Variants in NAALADL1 observed in about 807,000 individuals in gnomAD.
The protein encoded by NAALADL1 is N-acetylated alpha-linked acidic dipeptidase like 1, also known as aminopeptidase NAALADL1.
NAALADL1 carries 77 observed loss-of-function variants against 82.8 expected under a neutral mutation model. That is an observed-to-expected ratio of 0.93 (90% CI 0.77 to 1.12). The LOEUF is 1.12. NAALADL1 is among the 50% of genes most tolerant of loss of function. The pLI, the probability that NAALADL1 is intolerant of heterozygous loss-of-function variation, is 0.00. For synonymous variants in NAALADL1, 358 were observed against 399.2 expected (o/e 0.90, Z 1.23); for missense variants, 956 against 964.0 (o/e 0.99, Z 0.11).
At position 65,045,063 on chromosome 11, in the gene NAALADL1, G is replaced by A; in HGVS notation, c.*208C>T. 1.5e-6 allele frequency: 1 copy of A among 646,846 alleles called. No individual in the cohort carries two copies. The highest frequency in any genetic ancestry group is 2.6e-6 in the Non-Finnish European group (1 of 384,090). The allele number at this position is 646,846 out of a possible 1,614,324, so 40.1% of individuals were successfully genotyped here. A position where few individuals can be genotyped will look rare whatever the true frequency, so the allele number is the denominator to read the frequency against. The stretch of plus-strand genomic sequence containing the variant: ...TGCCATCCCATCCCTGTCCCCTGCT[G>A]CCCACCCTCTGCCACCTAAGCACCA... On this transcript the variant is annotated 3_prime_UTR_variant, in exon 18 of 18. Coordinates refer to ENST00000358658, the MANE Select transcript of NAALADL1 (RefSeq NM_005468.3).
chr11:65,058,583 T>G (rs1590776615), upstream of NAALADL1: 1 of 1,432,028 alleles, frequency 7.0e-7, no homozygotes, highest in South Asian at 1.5e-5. Context: ...ATAGAGGGGG[T>G]GTTGTGCCTG....
At position 65,054,628 on chromosome 11, in the gene NAALADL1, G is replaced by A. The variant is rs1412381488; in HGVS notation, c.714C>T (p.Tyr238=). 1 of 1,614,068 alleles carries A rather than the reference G, an allele frequency of 6.2e-7. No individual in the cohort carries two copies. Among genetic ancestry groups the A allele is most frequent in the East Asian group, 2.2e-5 (1 of 44,870 alleles). The change falls in exon 5 of 18, where the codon TAC becomes TAT. Residue 238 remains tyrosine, a synonymous_variant. Transcript: ENST00000358658. This position sits in a 1 kb window ranked among gnomAD's most constrained non-coding sequence, Gnocchi z 4.3. ...CTCGCTCCACTCCTGAGGGGGGCAGGTACCAGGAGTTGGGAAAGGTTTCGT... is the reference window on the plus strand; with the variant it reads ...CTCGCTCCACTCCTGAGGGGGGCAGATACCAGGAGTTGGGAAAGGTTTCGT... The part of the protein sequence containing the change: ...SPDETFPNSW[Y]LPPSGVERGS...
chr11:65,045,549 A>G, intron 17 of NAALADL1, 92 bp from the exon 18 acceptor site: 1 of 1,352,704 alleles, frequency 7.4e-7, no homozygotes, highest in Non-Finnish European at 9.9e-7. Context: ...TCCTGTACGC[A>G]GCGAGGCAGA....
In NAALADL1 at chr11:65,045,240, T is replaced by G. The variant is rs1273351276; in HGVS notation, c.*31A>C. The G allele has an allele frequency of 4.3e-5, 68 of 1,593,422 alleles. No homozygotes were observed. Among genetic ancestry groups the G allele is most frequent in the Non-Finnish European group, 5.4e-5 (63 of 1,169,092 alleles). Reference sequence around the variant, plus strand: ...GAAAGCAGGCAGGAGAGGGTTGGAGTAAAGGGAGGGCTGAAGAAAGAGGGC... The same window carrying G: ...GAAAGCAGGCAGGAGAGGGTTGGAGGAAAGGGAGGGCTGAAGAAAGAGGGC... On this transcript the variant is annotated 3_prime_UTR_variant, in exon 18 of 18. Coordinates refer to ENST00000358658, the MANE Select transcript of NAALADL1 (RefSeq NM_005468.3).
Position 65,046,245 on chromosome 11 carries a change from A to C in NAALADL1, c.1799T>G (p.Leu600Arg). The C allele has an allele frequency of 6.2e-7, 1 of 1,614,156 alleles. No individual in the cohort carries two copies. The highest frequency in any genetic ancestry group is 8.5e-7 in the Non-Finnish European group (1 of 1,180,040). The change falls in exon 15 of 18, where the codon CTG becomes CGG. Residue 600 changes from leucine to arginine, a missense_variant. Leu to Arg is a moderately radical substitution (Grantham distance 102, BLOSUM62 -2). Coordinates refer to ENST00000358658, the MANE Select transcript of NAALADL1 (RefSeq NM_005468.3). The stretch of plus-strand genomic sequence containing the variant: ...CCCAAGATCTTGCTGGGCTGCCTGC[A>C]GGAAGCTGCGGAGTGTCTCACTGTA... ...SDYSETLRSFLQAAQQDLGAL... is the reference protein window; with the variant it reads ...SDYSETLRSFRQAAQQDLGAL...
rs2137021319 is a variant in NAALADL1, at chr11:65,054,669, C to T, written c.673G>A (p.Gly225Arg). Reference protein sequence around the residue: ...VYTDPADINDGLSSPDETFPN... With the variant: ...VYTDPADINDRLSSPDETFPN... ...AAGGTTTCGTCGGGTGAGCTCAGCCCATCGTTGATGTCGGCAGGGTCTGTG... is the reference window on the plus strand; with the variant it reads ...AAGGTTTCGTCGGGTGAGCTCAGCCTATCGTTGATGTCGGCAGGGTCTGTG... Residue 225 changes from glycine (G) to arginine (R), a missense_variant, in exon 5 of 18, where the codon GGG (glycine) becomes AGG (arginine). Gly to Arg is a moderately radical substitution (Grantham distance 125). Transcript: ENST00000358658. This position sits in a 1 kb window ranked among gnomAD's most constrained non-coding sequence, Gnocchi z 4.3. 1 of 1,614,148 alleles carries T rather than the reference C, an allele frequency of 6.2e-7. No individual in the cohort carries two copies. Among genetic ancestry groups the T allele is most frequent in the East Asian group, 2.2e-5 (1 of 44,878 alleles).
rs1946960961 is a variant in NAALADL1 at position 65,053,874 on chromosome 11, G to A, written c.993-298C>T. Among the ~76,000 whole-genome samples the A allele has an allele frequency of 6.6e-6, 1 of 152,180 alleles. No individual in the cohort carries two copies. The highest frequency in any genetic ancestry group is 6.5e-5 in the Admixed American group (1 of 15,274). ...ACAGACCAGGAGGACAGGAACAGCTGGGTGAAGGGGCCTGGGAGGAGAGGG... is the reference window on the plus strand; with the variant it reads ...ACAGACCAGGAGGACAGGAACAGCTAGGTGAAGGGGCCTGGGAGGAGAGGG... On this transcript the variant is annotated intron_variant, in intron 6 of 17. Coordinates refer to ENST00000358658, the MANE Select transcript of NAALADL1 (RefSeq NM_005468.3). The surrounding 1 kb of genome is among the most constrained non-coding windows in gnomAD (Gnocchi z 4.3).
In NAALADL1 at chr11:65,058,050, G is replaced by T. The variant is rs201881121; in HGVS notation, c.358+28C>A. On this transcript the variant is annotated intron_variant, in intron 2 of 17. Coordinates refer to ENST00000358658, the MANE Select transcript of NAALADL1 (RefSeq NM_005468.3). Reference sequence around the variant, plus strand: ...GGGCCCAGCAGCTCCCCACCCCCGGGCATTCCCAAGACTGGGCAGGACCTC... The same window carrying T: ...GGGCCCAGCAGCTCCCCACCCCCGGTCATTCCCAAGACTGGGCAGGACCTC... The T allele has an allele frequency of 1.3e-5, 21 of 1,612,434 alleles. No individual in the cohort carries two copies. The African/African-American group carries it at 2.5e-4, about 19-fold the overall frequency.
At chr11:65,051,270 A>C (rs985166582) in intron 8 of NAALADL1, among the ~76,000 whole-genome samples, 8 of 138,826 alleles carry the variant, frequency 5.8e-5, no homozygotes, top group Non-Finnish European at 1.1e-4. Flanking sequence ...TTTTGCTACC[A>C]ACTCCCCAAG....
Position 65,054,157 on chromosome 11 carries a change from G to T in NAALADL1, c.992+93C>A. On this transcript the variant is annotated intron_variant, in intron 6 of 17. Coordinates refer to ENST00000358658, the MANE Select transcript of NAALADL1 (RefSeq NM_005468.3). This position sits in a 1 kb window ranked among gnomAD's most constrained non-coding sequence, Gnocchi z 4.3. Reference sequence around the variant, plus strand: ...AGGAAAGGGAAAAAGGTCAGGCTTTGAAGTGGAAAGAGGGAACATCATCAC... The same window carrying T: ...AGGAAAGGGAAAAAGGTCAGGCTTTTAAGTGGAAAGAGGGAACATCATCAC... 8.9e-7 allele frequency: 1 copy of T among 1,124,774 alleles called. No homozygotes were observed. The highest frequency in any genetic ancestry group is 1.3e-6 in the Non-Finnish European group (1 of 765,384). 69.7% of individuals were successfully genotyped at this position (1,124,774 alleles called of 1,614,324 possible). A position where few individuals can be genotyped will look rare whatever the true frequency, so the allele number is the denominator to read the frequency against.
At chr11:65,052,724 G>C (rs2137008914) in intron 8 of NAALADL1, among the ~76,000 whole-genome samples, 1 of 152,268 alleles carries the variant, frequency 6.6e-6, no homozygotes, top group East Asian at 1.9e-4. Context: ...GCCTGGCCCT[G>C]CCTGCTCTGC....
In NAALADL1 at chr11:65,045,332, C is replaced by T. The variant is rs1313479234; in HGVS notation, c.2162G>A (p.Ser721Asn). 1 of 1,610,674 alleles carries T rather than the reference C, an allele frequency of 6.2e-7. No individual in the cohort carries two copies. Among genetic ancestry groups the T allele is most frequent in the South Asian group, 1.1e-5 (1 of 90,326 alleles). The change falls in exon 18 of 18, where the codon AGC (serine) becomes AAC (asparagine). Residue 721 changes from serine to asparagine, a missense_variant. Ser to Asn is a conservative substitution (Grantham distance 46). Transcript: ENST00000358658. Reference sequence around the variant, plus strand: ...ACCCTCCAGGGCTGTCACCACAATGCTGAGCTGTCTCTGGACCTCAGCCCA... The same window carrying T: ...ACCCTCCAGGGCTGTCACCACAATGTTGAGCTGTCTCTGGACCTCAGCCCA... Reference protein sequence around the residue: ...EAWAEVQRQLSIVVTALEGAA... With the variant: ...EAWAEVQRQLNIVVTALEGAA...
intron 4 of NAALADL1, among the ~76,000 whole-genome samples, 155 bp downstream of exon 4, chr11:65,057,216 A>C (rs1450700926): frequency 6.6e-6 from 1 of 152,158 alleles, no homozygotes; most frequent in African/African-American, 2.4e-5. Context: ...CATTGGTGGG[A>C]CAACCCGAAA....
intron 13 of NAALADL1, 131 bp from the exon 14 acceptor site, chr11:65,046,657 T>C: frequency 2.3e-6 from 2 of 851,984 alleles, no homozygotes; most frequent in South Asian, 1.6e-5. Flanking sequence ...GCTTCTAGAA[T>C]TCCCACAGAA....
chr11:65,053,979 C>T lies in NAALADL1; in HGVS notation c.992+271G>A, dbSNP rs561993492. Among the ~76,000 whole-genome samples, 8 of 152,096 alleles carry T rather than the reference C, an allele frequency of 5.3e-5. No homozygotes were observed. Among genetic ancestry groups the T allele is most frequent in the Middle Eastern group, 3.4e-3 (1 of 294 alleles). On this transcript the variant is annotated intron_variant, in intron 6 of 17. Coordinates refer to ENST00000358658, the MANE Select transcript of NAALADL1 (RefSeq NM_005468.3). This position sits in a 1 kb window ranked among gnomAD's most constrained non-coding sequence, Gnocchi z 4.3. ...GCAGGGGCCCTGATTTGGGAAGGAG[C>T]TTGGCATCTTCAAGAGAGGGAGTCG... is the stretch of plus-strand genomic sequence containing the variant.
Position 65,054,515 on chromosome 11 carries a change from G to T in NAALADL1, c.827C>A (p.Ser276Tyr). ...SSFRVDLANV[S>Y]GFPPIPTQPI... ...CTGTGTAGGAATTGGGGGAAATCCG[G>T]AGACATTGGCAAGGTCCACGCGGAA... The change falls in exon 5 of 18, where the codon TCC becomes TAC. Residue 276 changes from serine (S) to tyrosine (Y), a missense_variant. Transcript: ENST00000358658. This position sits in a 1 kb window ranked among gnomAD's most constrained non-coding sequence, Gnocchi z 4.3. 1 of 1,614,040 alleles carries T rather than the reference G, an allele frequency of 6.2e-7. No individual in the cohort carries two copies. Among genetic ancestry groups the T allele is most frequent in the South Asian group, 1.1e-5 (1 of 91,074 alleles).
At chr11:65,060,277 AG>A (rs1947162631), upstream of NAALADL1, among the ~76,000 whole-genome samples, 1 of 152,120 alleles carries the variant, frequency 6.6e-6, no homozygotes, top group African/African-American at 2.4e-5. Context: ...TGGGAGGACT[AG>A]GGGTGGCTGG....
At chr11:65,055,819 T>C (rs1947022988) in intron 4 of NAALADL1, among the ~76,000 whole-genome samples, 1 of 152,064 alleles carries the variant, frequency 6.6e-6, no homozygotes, top group Non-Finnish European at 1.5e-5. Flanking sequence ...TTCCCTTTCT[T>C]TTCTTCCTTC....
rs375084981 is a variant in NAALADL1, at chr11:65,054,786, A to G, written c.604-48T>C. On this transcript the variant is annotated intron_variant, in intron 4 of 17. Coordinates refer to ENST00000358658, the MANE Select transcript of NAALADL1 (RefSeq NM_005468.3). This position sits in a 1 kb window ranked among gnomAD's most constrained non-coding sequence, Gnocchi z 4.3. ...TGTGTAAGGGAGGGACCGGGACCAG[A>G]TATGTCCTATTCCTCTTCCTCCTTC... 3.2e-6 allele frequency: 5 copies of G among 1,585,054 alleles called. No individual in the cohort carries two copies. The highest frequency in any genetic ancestry group is 1.3e-5 in the African/African-American group (1 of 74,478).
Sources: allele counts gnomAD v4.1 joint callset (sites outside exome capture counted in the v4.1 genomes callset), GRCh38; gene constraint gnomAD v4.1.1; non-coding constraint Gnocchi (gnomAD v3.1); transcripts MANE v1.5; gene names NCBI Gene and HGNC (gene_info 2026-07-23, HGNC 2026-07-21).